SEL1L2: variants seen among roughly 807,000 people sequenced by gnomAD.
The protein encoded by SEL1L2 is SEL1L2 adaptor subunit of SYVN1 ubiquitin ligase.
A neutral mutation model predicts 98.8 loss-of-function variants in SEL1L2; 89 were observed. That is an observed-to-expected ratio of 0.90 (90% CI 0.76 to 1.07). SEL1L2 has a LOEUF of 1.07. SEL1L2 is among the 50% of genes least tolerant of loss of function. The pLI is 0.00. For synonymous variants in SEL1L2, 262 were observed against 278.5 expected, an observed-to-expected ratio of 0.94 and a Z score of 0.59; for missense variants, 788 against 812.0, an observed-to-expected ratio of 0.97 and a Z score of 0.36.
rs373069541 is a variant in SEL1L2, at chr20:13,850,211, G to A, written c.1927C>T (p.Arg643Trp). ...CTTACATTAAAAAACAGGATATCCCGGAGCAAATGCGTAGTTTCCAGTTTC... is the reference window on the plus strand; with the variant it reads ...CTTACATTAAAAAACAGGATATCCCAGAGCAAATGCGTAGTTTCCAGTTTC... ...VMKLETTHLL[R>W]DILFFNFTTR... Residue 643 changes from arginine (R) to tryptophan (W), a missense_variant, in exon 19 of 20, where the codon CGG (arginine) becomes TGG (tryptophan). Coordinates refer to ENST00000284951, the MANE Select transcript of SEL1L2 (RefSeq NM_025229.2). 152 of 1,613,870 alleles carry A rather than the reference G, an allele frequency of 9.4e-5. No homozygotes were observed. The African/African-American group carries it at 1.4e-3, about 15-fold the overall frequency.
chr20:13,929,995 T>C (rs540573118), intron 3 of SEL1L2, among the ~76,000 whole-genome samples: 3 of 152,330 alleles, frequency 2.0e-5, no homozygotes, highest in African/African-American at 7.2e-5. Context: ...TTCACCATGT[T>C]GGCCAGGCTG....
At chr20:13,884,415 G>A (rs889473240) in intron 10 of SEL1L2, among the ~76,000 whole-genome samples, 9 of 152,210 alleles carry the variant, frequency 5.9e-5, no homozygotes, top group Admixed American at 4.6e-4. Context: ...GCATCTTACA[G>A]AGGAGGATCC....
At chr20:13,950,998 C>T (rs1443032501) in intron 2 of SEL1L2, among the ~76,000 whole-genome samples, 5 of 152,072 alleles carry the variant, frequency 3.3e-5, no homozygotes, top group East Asian at 1.9e-4. Context: ...GATTAGAGGC[C>T]GGGCGCGGTG....
chr20:13,939,174 T>C (rs898843124), intron 2 of SEL1L2, among the ~76,000 whole-genome samples: 8 of 151,136 alleles, frequency 5.3e-5, no homozygotes, highest in African/African-American at 1.9e-4. Flanking sequence ...CTCCTGAGTA[T>C]CTGGGATTAC....
intron 1 of SEL1L2, among the ~76,000 whole-genome samples, chr20:13,986,889 G>A (rs780618474): frequency 5.9e-5 from 9 of 152,318 alleles, no homozygotes; most frequent in Middle Eastern, 3.4e-3. Flanking sequence ...CTGGAGCGCA[G>A]TGGCGCGATC....
At chr20:13,905,097 C>T (rs2047861984) in intron 5 of SEL1L2, among the ~76,000 whole-genome samples, 1 of 152,056 alleles carries the variant, frequency 6.6e-6, no homozygotes, top group Admixed American at 6.6e-5. Flanking sequence ...CATGCTTTTA[C>T]CAGCCTCAAA....
rs375667837 is a variant in SEL1L2 at position 13,886,392 on chromosome 20, G to A, written c.796C>T (p.Leu266=). 10 of 1,613,834 alleles carry A rather than the reference G, an allele frequency of 6.2e-6. No homozygotes were observed. In the East Asian group the frequency reaches 2.0e-4, roughly 32 times the overall value. The change falls in exon 9 of 20, where the codon CTA becomes TTA. Residue 266 remains leucine (L), a synonymous_variant. Coordinates refer to ENST00000284951, the MANE Select transcript of SEL1L2 (RefSeq NM_025229.2). ...SEGVPVEKVR[L]TERPENLSSN... Reference sequence around the variant, plus strand: ...CTCAGATTTTCAGGTCTTTCCGTTAGTCTCACTTTTTCCACTGGAACACCT... The same window carrying A: ...CTCAGATTTTCAGGTCTTTCCGTTAATCTCACTTTTTCCACTGGAACACCT...
At chr20:13,987,128 G>A (rs1329769077) in intron 1 of SEL1L2, among the ~76,000 whole-genome samples, 1 of 151,920 alleles carries the variant, frequency 6.6e-6, no homozygotes, top group African/African-American at 2.4e-5. Context: ...ACCGCGCCCG[G>A]CCTCTCCATT....
intron 2 of SEL1L2, among the ~76,000 whole-genome samples, chr20:13,938,749 C>T (rs1401382091): frequency 6.6e-6 from 1 of 152,096 alleles, no homozygotes; most frequent in African/African-American, 2.4e-5. Context: ...TTGCCTATCT[C>T]ATTGGGATGT....
intron 2 of SEL1L2, among the ~76,000 whole-genome samples, chr20:13,953,424 GC>G: frequency 6.6e-6 from 1 of 152,220 alleles, no homozygotes; most frequent in East Asian, 1.9e-4. Flanking sequence ...CCAGAACAGC[GC>G]CCCCTGTCAG....
intron 12 of SEL1L2, 86 bp downstream of exon 12, chr20:13,875,952 C>T (rs2046407023): frequency 9.6e-7 from 1 of 1,044,826 alleles, no homozygotes; most frequent in Non-Finnish European, 1.5e-6. Flanking sequence ...GGGCTTGGGA[C>T]TTCGAAGTCA....
chr20:13,911,923 T>C (rs1308334713), intron 5 of SEL1L2, among the ~76,000 whole-genome samples: 5 of 152,184 alleles, frequency 3.3e-5, no homozygotes, highest in African/African-American at 9.7e-5. Context: ...CTTTTCTTTA[T>C]AATGAAAGAT....
chr20:13,939,105 G>A (rs199580756), intron 2 of SEL1L2, among the ~76,000 whole-genome samples: 28 of 139,280 alleles, frequency 2.0e-4, no homozygotes, highest in Middle Eastern at 3.9e-3. Context: ...GTGCAATGGC[G>A]CAATCTCAGC....
Position 13,914,054 on chromosome 20 carries a change from A to G in SEL1L2, c.387-110T>C, listed in dbSNP as rs1454994168. 4.2e-6 allele frequency: 4 copies of G among 951,604 alleles called. No individual in the cohort carries two copies. In the Admixed American group the frequency reaches 1.4e-4, roughly 33 times the overall value. 58.9% of individuals were successfully genotyped at this position (951,604 alleles called of 1,614,324 possible). A position where few individuals can be genotyped will look rare whatever the true frequency, so the allele number is the denominator to read the frequency against. ...CTAACAAGCAGGAACCAGTTGTCATACAGTTTAGCTGAAGTTCATTACATC... is the reference window on the plus strand; with the variant it reads ...CTAACAAGCAGGAACCAGTTGTCATGCAGTTTAGCTGAAGTTCATTACATC... On this transcript the variant is annotated intron_variant, in intron 4 of 19. Transcript: ENST00000284951.
chr20:13,973,717 G>A (rs947918837), intron 1 of SEL1L2, among the ~76,000 whole-genome samples: 1 of 152,020 alleles, frequency 6.6e-6, no homozygotes, highest in African/African-American at 2.4e-5. Flanking sequence ...GATTCTTTGA[G>A]GCCTATGATG....
At chr20:13,983,683 A>G (rs1044322610) in intron 1 of SEL1L2, among the ~76,000 whole-genome samples, 2 of 151,626 alleles carry the variant, frequency 1.3e-5, no homozygotes, top group Non-Finnish European at 2.9e-5. Flanking sequence ...CACCACGCCC[A>G]GCTAATTTTG....
intron 18 of SEL1L2, among the ~76,000 whole-genome samples, chr20:13,854,143 T>C (rs1005545589): frequency 7.9e-5 from 12 of 152,208 alleles, no homozygotes; most frequent in African/African-American, 2.9e-4. Flanking sequence ...GAAATAAAAA[T>C]GCATTGTGTC....
At chr20:13,925,327 A>G (rs6135024) in intron 3 of SEL1L2, among the ~76,000 whole-genome samples, 1 of 152,166 alleles carries the variant, frequency 6.6e-6, no homozygotes, top group Admixed American at 6.5e-5. Context: ...CTGAGGAAAA[A>G]TTTTATATTG....
intron 2 of SEL1L2, among the ~76,000 whole-genome samples, chr20:13,952,092 C>T (rs1163724344): frequency 6.6e-6 from 1 of 152,150 alleles, no homozygotes; most frequent in Non-Finnish European, 1.5e-5. Context: ...CTATAGCCAC[C>T]AGTTATTTGG....
Sources: allele counts gnomAD v4.1 joint callset (sites outside exome capture counted in the v4.1 genomes callset), GRCh38; gene constraint gnomAD v4.1.1; transcripts MANE v1.5; gene names NCBI Gene and HGNC (gene_info 2026-07-23, HGNC 2026-07-21).